Variants in FBN1 observed in about 807,000 individuals in gnomAD.
FBN1 encodes fibrillin 1, also known as fibrillin-1.
Under a neutral mutation model 365.1 loss-of-function variants are expected in FBN1, and 29 were observed. The observed-to-expected ratio is 0.08, with a 90% CI of 0.06 to 0.11. The LOEUF is 0.11. Ranked by LOEUF, FBN1 falls within the 10% of genes least tolerant of loss-of-function variation. FBN1 has a pLI of 1.00. For synonymous variants in FBN1, 1,210 were observed against 1,270.5 expected (o/e 0.95, Z 1.01); for missense variants, 2,476 against 3,703.2 (o/e 0.67, Z 8.60).
chr15:48,575,145 C>G (rs1280172716), intron 6 of FBN1, among the ~76,000 whole-genome samples: 1 of 152,170 alleles, frequency 6.6e-6, no homozygotes, highest in Non-Finnish European at 1.5e-5. Flanking sequence ...TCAGAGATGG[C>G]CCCTGCCCAC....
At chr15:48,434,442 G>A (rs2043048312) in intron 54 of FBN1, 152 bp downstream of exon 54, 1 of 907,738 alleles carries the variant, frequency 1.1e-6, no homozygotes, top group Admixed American at 1.9e-5. Context: ...CAGAGAAGAG[G>A]CCACAAAAGA....
At chr15:48,517,813 T>C (rs73394216) in intron 10 of FBN1, among the ~76,000 whole-genome samples, 2,443 of 152,308 alleles carry the variant, frequency 0.016, 62 homozygotes, top group African/African-American at 0.051. Context: ...ATACCTTCTA[T>C]GCTAGTTTCA....
chr15:48,496,087 A>T lies in FBN1; in HGVS notation c.2419+13T>A, dbSNP rs372885314. 108 of 1,613,596 alleles carry T rather than the reference A, an allele frequency of 6.7e-5. No individual in the cohort carries two copies. The highest frequency in any genetic ancestry group is 8.1e-5 in the Non-Finnish European group (96 of 1,179,744). On this transcript the variant is annotated intron_variant, in intron 20 of 65. Coordinates refer to ENST00000316623, the MANE Select transcript of FBN1 (RefSeq NM_000138.5). Reference sequence around the variant, plus strand: ...AGCAAAGTACACAGTATAAGAACAAAAATATGGTTTACCTTCACATGTTTT... The same window carrying T: ...AGCAAAGTACACAGTATAAGAACAATAATATGGTTTACCTTCACATGTTTT...
chr15:48,514,808 C>T (rs935029905), intron 12 of FBN1, among the ~76,000 whole-genome samples: 1 of 152,110 alleles, frequency 6.6e-6, no homozygotes, highest in Non-Finnish European at 1.5e-5. Context: ...GTATCTTTTA[C>T]AATGAAAGTT....
intron 62 of FBN1, among the ~76,000 whole-genome samples, chr15:48,421,116 A>C (rs1235859247): frequency 1.3e-5 from 2 of 152,048 alleles, no homozygotes; most frequent in African/African-American, 2.4e-5. Context: ...CACAATTAGA[A>C]ACCAAAACGT....
In FBN1 at chr15:48,425,873, T is replaced by G. The variant is rs753254586; in HGVS notation, c.7205-9A>C. On this transcript the variant is annotated splice_polypyrimidine_tract_variant and intron_variant, in intron 58 of 65. Coordinates refer to ENST00000316623, the MANE Select transcript of FBN1 (RefSeq NM_000138.5). Reference sequence around the variant, plus strand: ...CTTGCATTCATCGATATCTGTAATTTAACAAATATAAATTAAGAAATATAT... The same window carrying G: ...CTTGCATTCATCGATATCTGTAATTGAACAAATATAAATTAAGAAATATAT... 6.3e-7 allele frequency: 1 copy of G among 1,598,620 alleles called. No individual in the cohort carries two copies. The highest frequency in any genetic ancestry group is 1.1e-5 in the South Asian group (1 of 90,464).
intron 2 of FBN1, among the ~76,000 whole-genome samples, chr15:48,622,726 G>A (rs974424741): frequency 6.6e-6 from 1 of 152,034 alleles, no homozygotes; most frequent in African/African-American, 2.4e-5. Flanking sequence ...TAATCTACCT[G>A]TCAACTCTTA....
At position 48,410,791 on chromosome 15, in the gene FBN1, G is replaced by A; in HGVS notation, c.*199C>T. The A allele has an allele frequency of 1.7e-6, 1 of 589,002 alleles. No individual in the cohort carries two copies. Among genetic ancestry groups the A allele is most frequent in the Non-Finnish European group, 3.0e-6 (1 of 336,696 alleles). 36.5% of individuals were successfully genotyped at this position (589,002 alleles called of 1,614,324 possible). A position where few individuals can be genotyped will look rare whatever the true frequency, so the allele number is the denominator to read the frequency against. ...CAAGGTAGCTTAGCTACACACATGA[G>A]AAGCCTGAGAAAGTGGTTGTTTTGA... On this transcript the variant is annotated 3_prime_UTR_variant, in exon 66 of 66. Transcript: ENST00000316623.
intron 63 of FBN1, among the ~76,000 whole-genome samples, 165 bp downstream of exon 63, chr15:48,420,522 G>C (rs2042931956): frequency 6.6e-6 from 1 of 152,058 alleles, no homozygotes; most frequent in African/African-American, 2.4e-5. Context: ...TTAGTTTGCT[G>C]TTTTGCAAAG....
chr15:48,492,754 A>G (rs898086427), intron 23 of FBN1, among the ~76,000 whole-genome samples, 168 bp from the exon 24 acceptor site: 2 of 152,200 alleles, frequency 1.3e-5, no homozygotes, highest in Non-Finnish European at 2.9e-5. Context: ...AATAGCAACC[A>G]GAACGAGCCC....
At chr15:48,525,968 C>G (rs2043908476) in intron 9 of FBN1, among the ~76,000 whole-genome samples, 162 bp downstream of exon 9, 1 of 152,160 alleles carries the variant, frequency 6.6e-6, no homozygotes, top group East Asian at 1.9e-4. Context: ...CAAGGTGCCT[C>G]TGTTCTTTAA....
At chr15:48,593,012 G>A (rs1430351403) in intron 6 of FBN1, among the ~76,000 whole-genome samples, 1 of 152,154 alleles carries the variant, frequency 6.6e-6, no homozygotes, top group Non-Finnish European at 1.5e-5. Flanking sequence ...AGCCAAGAAT[G>A]TTTTTAAACA....
intron 35 of FBN1, among the ~76,000 whole-genome samples, 178 bp from the exon 36 acceptor site, chr15:48,470,934 G>A (rs1464294257): frequency 6.6e-6 from 1 of 152,154 alleles, no homozygotes; most frequent in African/African-American, 2.4e-5. Context: ...AGTCTCGTAG[G>A]TGAGAGGTTA....
intron 35 of FBN1, among the ~76,000 whole-genome samples, chr15:48,471,103 A>G (rs976102903): frequency 6.6e-6 from 1 of 151,638 alleles, no homozygotes; most frequent in Non-Finnish European, 1.5e-5. Flanking sequence ...TAATCTATCT[A>G]TGTAGTCACT....
At chr15:48,541,495 A>C (rs1428233473) in intron 6 of FBN1, among the ~76,000 whole-genome samples, 1 of 152,224 alleles carries the variant, frequency 6.6e-6, no homozygotes, top group East Asian at 1.9e-4. Context: ...GGATCTAAAA[A>C]TGTCTTGGAA....
chr15:48,470,017 C>T (rs952422084), intron 36 of FBN1, among the ~76,000 whole-genome samples: 4 of 152,032 alleles, frequency 2.6e-5, no homozygotes, highest in African/African-American at 9.7e-5. Context: ...TATCCTTGAA[C>T]AGAGGGGTGA....
rs1210055509 is a variant in FBN1, at chr15:48,421,797, ACG to A, written c.7571-113_7571-112del. 5.4e-5 allele frequency: 73 copies of A among 1,342,500 alleles called. No individual in the cohort carries two copies. In the African/African-American group the frequency reaches 9.1e-4, roughly 17 times the overall value. 83.2% of individuals were successfully genotyped at this position (1,342,500 alleles called of 1,614,324 possible). A position where few individuals can be genotyped will look rare whatever the true frequency, so the allele number is the denominator to read the frequency against. The stretch of plus-strand genomic sequence containing the variant: ...CGGAAAAGGCCAAATAAGGCCAACA[ACG>A]CTTCACATACATGTACAGGTGTGCT... On this transcript the variant is annotated intron_variant, in intron 61 of 65. Transcript: ENST00000316623.
At position 48,463,239 on chromosome 15, in the gene FBN1, A is replaced by G; in HGVS notation, c.5067T>C (p.Asp1689=). Residue 1689 remains aspartate (D), a splice_region_variant and synonymous_variant, in exon 42 of 66, where the codon GAT becomes GAC. Transcript: ENST00000316623. ...TTCTGTAGCACAAACTTCTTCTCAT[A>G]TCTAGAAGGGAGGTAAAAAAAAGGA... ...MQVNGGNNCM[D]MRRSLCYRNY... is the part of the protein sequence containing the mutation. The G allele has an allele frequency of 6.2e-7, 1 of 1,613,668 alleles. No individual in the cohort carries two copies. The highest frequency in any genetic ancestry group is 8.5e-7 in the Non-Finnish European group (1 of 1,179,732).
At chr15:48,625,841 T>C (rs28622009) in intron 2 of FBN1, among the ~76,000 whole-genome samples, 1 of 152,182 alleles carries the variant, frequency 6.6e-6, no homozygotes. Flanking sequence ...AGCGTTTTTT[T>C]TGTGTGTGTA....
Sources: allele counts gnomAD v4.1 joint callset (sites outside exome capture counted in the v4.1 genomes callset), GRCh38; gene constraint gnomAD v4.1.1; transcripts MANE v1.5; gene names NCBI Gene and HGNC (gene_info 2026-07-23, HGNC 2026-07-21).